SNTG1: variants seen among roughly 807,000 people sequenced by gnomAD.
SNTG1 encodes the protein gamma-1-syntrophin.
A neutral mutation model predicts 74.7 loss-of-function variants in SNTG1; 39 were observed. That is an observed-to-expected ratio of 0.52 (90% CI 0.40 to 0.68). The LOEUF is 0.68. Ranked by LOEUF, SNTG1 falls within the 30% of genes least tolerant of loss-of-function variation. The pLI, the probability that SNTG1 is intolerant of heterozygous loss-of-function variation, is 0.00. For missense variants in SNTG1, 685 were observed against 609.5 expected (o/e 1.12, Z -1.30); for synonymous variants, 254 against 217.1 (o/e 1.17, Z -1.49).
chr8:50,251,475 A>G (rs1032174963), intron 2 of SNTG1, among the ~76,000 whole-genome samples: 15 of 151,958 alleles, frequency 9.9e-5, no homozygotes, highest in African/African-American at 3.4e-4. Flanking sequence ...TATGTTGCCT[A>G]TAACAGATGC....
rs368687326 is a variant in SNTG1 at position 50,657,011 on chromosome 8, T to C, written c.952T>C (p.Phe318Leu). 1.3e-6 allele frequency: 2 copies of C among 1,549,150 alleles called. No individual in the cohort carries two copies. The highest frequency in any genetic ancestry group is 2.8e-5 in the African/African-American group (2 of 71,784). Residue 318 changes from phenylalanine to leucine, a missense_variant, in exon 14 of 19, where the codon TTT becomes CTT. Coordinates refer to ENST00000642720, the MANE Select transcript of SNTG1 (RefSeq NM_018967.5). ...LALRGSCLYK[F>L]LAPPVTTWDW... ...CCTGAGGGGCTCATGTCTCTACAAGTTTCTGGCACCTCCAGTACGTGTTTT... is the reference window on the plus strand; with the variant it reads ...CCTGAGGGGCTCATGTCTCTACAAGCTTCTGGCACCTCCAGTACGTGTTTT...
chr8:50,422,159 T>C (rs2093096565), intron 4 of SNTG1, among the ~76,000 whole-genome samples: 1 of 152,194 alleles, frequency 6.6e-6, no homozygotes, highest in Non-Finnish European at 1.5e-5. Flanking sequence ...AGACCACTTC[T>C]GTTTGCTGGC....
At chr8:50,742,209 C>G (rs1187758665) in intron 17 of SNTG1, among the ~76,000 whole-genome samples, 1 of 151,944 alleles carries the variant, frequency 6.6e-6, no homozygotes, top group Non-Finnish European at 1.5e-5. Context: ...TATTCAACCA[C>G]AGTTGAATAC....
intron 1 of SNTG1, among the ~76,000 whole-genome samples, chr8:50,041,146 T>TC (rs748111006): frequency 2.6e-5 from 4 of 152,176 alleles, no homozygotes; most frequent in Non-Finnish European, 4.4e-5. Flanking sequence ...TCCATCTGCC[T>TC]CGGCCTCCCA....
intron 13 of SNTG1, among the ~76,000 whole-genome samples, chr8:50,615,229 G>T (rs113336260): frequency 0.032 from 4,844 of 152,056 alleles, 120 homozygotes; most frequent in African/African-American, 0.057. Context: ...CAAAGTGCTG[G>T]GATTACAGGC....
intron 2 of SNTG1, among the ~76,000 whole-genome samples, chr8:50,176,774 C>T (rs1435142762): frequency 6.6e-6 from 1 of 152,182 alleles, no homozygotes; most frequent in African/African-American, 2.4e-5. Context: ...CCATTTTGTT[C>T]ATTTCAAAGA....
At chr8:50,756,860 A>T (rs768998806) in intron 18 of SNTG1, among the ~76,000 whole-genome samples, 3 of 151,790 alleles carry the variant, frequency 2.0e-5, no homozygotes, top group Admixed American at 2.0e-4. Context: ...GTTTGGAAGA[A>T]CTGACATCCA....
At chr8:50,502,439 A>G (rs1036372655) in intron 8 of SNTG1, among the ~76,000 whole-genome samples, 2 of 152,202 alleles carry the variant, frequency 1.3e-5, no homozygotes, top group Non-Finnish European at 2.9e-5. Context: ...ATAATTTACC[A>G]ATAAATACAG....
At chr8:50,322,599 C>A (rs13265770) in intron 2 of SNTG1, among the ~76,000 whole-genome samples, 71,897 of 151,888 alleles carry the variant, frequency 0.47, 19,415 homozygotes, top group East Asian at 0.83. Flanking sequence ...GTTCTCTGCT[C>A]TTATTCCTTT....
intron 15 of SNTG1, among the ~76,000 whole-genome samples, chr8:50,677,448 T>C (rs1415957148): frequency 1.3e-5 from 2 of 152,092 alleles, no homozygotes; most frequent in Middle Eastern, 6.8e-3. Context: ...ATGGGTTTTG[T>C]TGCACAAATA....
rs528309711 is a variant in SNTG1, at chr8:50,288,557, G to A, written c.-27-105655G>A. Among the ~76,000 whole-genome samples, 7 of 152,154 alleles carry A rather than the reference G, an allele frequency of 4.6e-5. No homozygotes were observed. In the South Asian group the frequency reaches 8.3e-4, roughly 18 times the overall value. On this transcript the variant is annotated intron_variant, in intron 2 of 18. Coordinates refer to ENST00000642720, the MANE Select transcript of SNTG1 (RefSeq NM_018967.5). ...ACAAACCCAGCACTCTACTCTTGCC[G>A]ACATTAGATGAACAATGAATTAAAC...
In SNTG1 at chr8:50,355,826, A is replaced by C. The variant is rs573214101; in HGVS notation, c.-27-38386A>C. Among the ~76,000 whole-genome samples the C allele has an allele frequency of 8.5e-5, 13 of 152,316 alleles. 1 individual carries two copies. Among genetic ancestry groups the C allele is most frequent in the African/African-American group, 3.1e-4 (13 of 41,568 alleles). On this transcript the variant is annotated intron_variant, in intron 2 of 18. Coordinates refer to ENST00000642720, the MANE Select transcript of SNTG1 (RefSeq NM_018967.5). Reference sequence around the variant, plus strand: ...CTTCAACTATCCCAACAGTACATTTAATCTGTTCATTGAGAAAGCTTCTGA... The same window carrying C: ...CTTCAACTATCCCAACAGTACATTTCATCTGTTCATTGAGAAAGCTTCTGA...
chr8:50,102,386 A>G (rs373036307), intron 1 of SNTG1, among the ~76,000 whole-genome samples: 24 of 150,980 alleles, frequency 1.6e-4, no homozygotes, highest in Non-Finnish European at 3.0e-4. Context: ...CATGTCCTTC[A>G]CCCACTTTTT....
intron 1 of SNTG1, among the ~76,000 whole-genome samples, chr8:49,976,236 T>C (rs1416686357): frequency 2.0e-5 from 3 of 152,094 alleles, no homozygotes; most frequent in African/African-American, 7.2e-5. Context: ...GTGTGGAAAA[T>C]GGAAAGAAAT....
At chr8:50,449,492 A>G (rs73583434) in intron 5 of SNTG1, among the ~76,000 whole-genome samples, 176 bp from the exon 6 acceptor site, 4,229 of 152,350 alleles carry the variant, frequency 0.028, 187 homozygotes, top group African/African-American at 0.095. Flanking sequence ...GCAAAATTCT[A>G]AACAGGTAGA....
Position 50,792,534 on chromosome 8 carries a change from A to G in SNTG1, c.1396-137A>G, listed in dbSNP as rs1397397067. The G allele has an allele frequency of 2.2e-5, 20 of 912,160 alleles. No individual in the cohort carries two copies. The East Asian group carries it at 4.9e-4, about 22-fold the overall frequency. The allele number at this position is 912,160 out of a possible 1,614,324, so 56.5% of individuals were successfully genotyped here. A position where few individuals can be genotyped will look rare whatever the true frequency, so the allele number is the denominator to read the frequency against. On this transcript the variant is annotated intron_variant, in intron 18 of 18. Coordinates refer to ENST00000642720, the MANE Select transcript of SNTG1 (RefSeq NM_018967.5). ...TTACACGTTGACCAAAAATGTCTAC[A>G]TTTGAAATTAGTTTCCACATGTTAC...
At chr8:50,609,721 A>G (rs537766616) in intron 13 of SNTG1, among the ~76,000 whole-genome samples, 4 of 152,162 alleles carry the variant, frequency 2.6e-5, no homozygotes, top group East Asian at 3.9e-4. Flanking sequence ...TCTTCAATCC[A>G]TTATTCATTC....
In SNTG1 at chr8:50,395,505, T is replaced by TG. The variant is rs72106651; in HGVS notation, c.27+1241dup. 8.7e-3 allele frequency among the ~76,000 whole-genome samples: 230 copies of TG among 26,340 alleles called. 3 individuals are homozygous for TG. Among genetic ancestry groups the TG allele is most frequent in the African/African-American group, 0.011 (118 of 10,912 alleles). The allele number at this position is 26,340 out of a possible 152,430, so 17.3% of individuals were successfully genotyped here. A position where few individuals can be genotyped will look rare whatever the true frequency, so the allele number is the denominator to read the frequency against. On this transcript the variant is annotated intron_variant, in intron 3 of 18. Transcript: ENST00000642720. ...TTTTAAATTTTAATTGTCTAATTTCTGTTTTTTTTTTTTTTTTTAATGGAG... is the reference window on the plus strand; with the variant it reads ...TTTTAAATTTTAATTGTCTAATTTCTGGTTTTTTTTTTTTTTTTTAATGGAG...
At chr8:49,975,806 T>C (rs1258917033) in intron 1 of SNTG1, among the ~76,000 whole-genome samples, 3 of 151,810 alleles carry the variant, frequency 2.0e-5, no homozygotes, top group African/African-American at 7.3e-5. Context: ...GGCTCCATTC[T>C]TGATATATAA....
Sources: allele counts gnomAD v4.1 joint callset (sites outside exome capture counted in the v4.1 genomes callset), GRCh38; gene constraint gnomAD v4.1.1; transcripts MANE v1.5; gene names NCBI Gene and HGNC (gene_info 2026-07-23, HGNC 2026-07-21).